The following FOXP2 variants were observed in gnomAD, a reference collection of about 807,000 sequenced individuals.
The protein encoded by FOXP2 is forkhead box protein P2.
A neutral mutation model predicts 115.8 loss-of-function variants in FOXP2; 12 were observed. The ratio of observed to expected loss-of-function variants is 0.10; its 90% CI spans 0.07 to 0.17. FOXP2 has a LOEUF of 0.17. Among genes scored for constraint, FOXP2 ranks in the 10% least tolerant of loss-of-function variants. FOXP2 has a pLI of 1.00. For synonymous variants in FOXP2, 328 were observed against 297.7 expected, an observed-to-expected ratio of 1.10 and a Z score of -1.05; for missense variants, 629 against 843.5, an observed-to-expected ratio of 0.75 and a Z score of 3.15.
intron 3 of FOXP2, among the ~76,000 whole-genome samples, chr7:114,580,592 AAAAAC>A (rs1274150693): frequency 6.6e-6 from 1 of 152,158 alleles, no homozygotes; most frequent in Non-Finnish European, 1.5e-5. Flanking sequence ...AAACAAAAAC[AAAAAC>A]AAAACAAAAC....
intron 3 of FOXP2, among the ~76,000 whole-genome samples, chr7:114,610,389 C>A (rs997614676): frequency 1.3e-5 from 2 of 152,020 alleles, no homozygotes; most frequent in African/African-American, 4.8e-5. Flanking sequence ...CAAATAAATT[C>A]TGTTAAAAAT....
chr7:114,419,747 C>T (rs1258284438), intron 1 of FOXP2: 1 of 151,342 alleles, frequency 6.6e-6, no homozygotes, highest in Non-Finnish European at 1.5e-5. Flanking sequence ...CACACACACA[C>T]CCCAGAAAGG....
At chr7:114,153,219 A>T (rs1792572149) in intron 1 of FOXP2, among the ~76,000 whole-genome samples, 1 of 152,110 alleles carries the variant, frequency 6.6e-6, no homozygotes. Flanking sequence ...CCTTATCTGT[A>T]TCTCTTAAAA....
At chr7:114,518,830 T>G (rs1311056575) in intron 2 of FOXP2, among the ~76,000 whole-genome samples, 1 of 152,138 alleles carries the variant, frequency 6.6e-6, no homozygotes, top group African/African-American at 2.4e-5. Flanking sequence ...ATGTAAAATT[T>G]TGCTTGAGTT....
chr7:114,471,853 C>T (rs1031534189), intron 2 of FOXP2, among the ~76,000 whole-genome samples: 25 of 151,070 alleles, frequency 1.7e-4, no homozygotes, highest in African/African-American at 3.7e-4. Flanking sequence ...CCAGCTACTC[C>T]GGAGGCTGAG....
At chr7:114,639,325 A>G (rs557794204) in intron 6 of FOXP2, among the ~76,000 whole-genome samples, 1 of 152,180 alleles carries the variant, frequency 6.6e-6, no homozygotes, top group South Asian at 2.1e-4. Context: ...CAAGAAATGT[A>G]TGACTCTATT....
chr7:114,664,267 C>T lies in FOXP2; in HGVS notation c.1840-6C>T, dbSNP rs374095518. 36 of 1,612,508 alleles carry T rather than the reference C, an allele frequency of 2.2e-5. No individual in the cohort carries two copies. The highest frequency in any genetic ancestry group is 2.7e-5 in the Non-Finnish European group (32 of 1,179,538). Reference sequence around the variant, plus strand: ...AAGTTGTTTTACACAATCTTCATTTCACTAGGCTGCCTTGGCAGAGAGCAG... The same window carrying T: ...AAGTTGTTTTACACAATCTTCATTTTACTAGGCTGCCTTGGCAGAGAGCAG... On this transcript the variant is annotated splice_region_variant and splice_polypyrimidine_tract_variant and intron_variant, in intron 15 of 16. Transcript: ENST00000350908.
chr7:114,657,895 GTTC>G (rs1563064214), intron 10 of FOXP2, among the ~76,000 whole-genome samples, 168 bp from the exon 11 acceptor site: 1 of 152,138 alleles, frequency 6.6e-6, no homozygotes, highest in Non-Finnish European at 1.5e-5. Flanking sequence ...TCTAATTAGA[GTTC>G]TTATGATACA....
intron 16 of FOXP2, among the ~76,000 whole-genome samples, chr7:114,687,320 C>T (rs1808419607): frequency 6.6e-6 from 1 of 152,050 alleles, no homozygotes; most frequent in African/African-American, 2.4e-5. Flanking sequence ...TATTTGCATC[C>T]CCAGCATATC....
chr7:114,345,465 A>G (rs750254604), intron 2 of FOXP2, among the ~76,000 whole-genome samples: 2 of 151,828 alleles, frequency 1.3e-5, no homozygotes, highest in East Asian at 1.9e-4. Context: ...GTAGTGGTTA[A>G]CAGTTGTTTT....
intron 2 of FOXP2, among the ~76,000 whole-genome samples, chr7:114,370,556 A>G (rs1303061550): frequency 6.6e-6 from 1 of 152,162 alleles, no homozygotes; most frequent in Non-Finnish European, 1.5e-5. Flanking sequence ...GGCATTACCA[A>G]TTTACCAGAA....
At chr7:114,362,795 G>A (rs1791785067) in intron 2 of FOXP2, among the ~76,000 whole-genome samples, 1 of 152,096 alleles carries the variant, frequency 6.6e-6, no homozygotes, top group Non-Finnish European at 1.5e-5. Flanking sequence ...TCTGATTATA[G>A]CAAGCATTTT....
rs191456094 is a variant in FOXP2, at chr7:114,112,280, G to T, written c.-247+24442G>T. 6.8e-4 allele frequency among the ~76,000 whole-genome samples: 103 copies of T among 152,106 alleles called. 1 individual carries two copies. In the Middle Eastern group the frequency reaches 0.014, roughly 20 times the overall value. On this transcript the variant is annotated intron_variant, in intron 1 of 19. Transcript: ENST00000635638. ...GTTACAATACCAGTACCAAAAAGGG[G>T]AATGTGGTTTCTGCACTTTTTTTTT...
intron 1 of FOXP2, among the ~76,000 whole-genome samples, chr7:114,217,736 A>G (rs984985780): frequency 6.6e-6 from 1 of 152,234 alleles, no homozygotes; most frequent in African/African-American, 2.4e-5. Context: ...ATAACTCCAA[A>G]TCTGCTATAT....
chr7:114,086,367 C>G (rs575159307), upstream of FOXP2: 2 of 405,508 alleles, frequency 4.9e-6, no homozygotes, highest in South Asian at 1.7e-5. Context: ...GCTCCGCGGC[C>G]GCCGCTTCGC....
At chr7:114,640,747 A>C (rs570168870) in intron 6 of FOXP2, among the ~76,000 whole-genome samples, 72 of 152,284 alleles carry the variant, frequency 4.7e-4, no homozygotes, top group African/African-American at 1.7e-3. Context: ...TGGGAGAGGT[A>C]GTTTGAGTTG....
chr7:114,338,173 T>C (rs1797905716), intron 2 of FOXP2, among the ~76,000 whole-genome samples: 1 of 151,058 alleles, frequency 6.6e-6, no homozygotes, highest in Admixed American at 6.6e-5. Context: ...AATTTTAATA[T>C]GCAAGTACTT....
chr7:114,611,615 A>G (rs1803632841), intron 3 of FOXP2, among the ~76,000 whole-genome samples: 1 of 152,190 alleles, frequency 6.6e-6, no homozygotes, highest in Non-Finnish European at 1.5e-5. Flanking sequence ...ATACATTTTC[A>G]TAGCTTAAAA....
chr7:114,598,854 T>G (rs995835646), intron 3 of FOXP2, among the ~76,000 whole-genome samples: 1 of 152,150 alleles, frequency 6.6e-6, no homozygotes, highest in African/African-American at 2.4e-5. Context: ...ACCATTCAGA[T>G]TGTAAAATAG....
Sources: allele counts gnomAD v4.1 joint callset (sites outside exome capture counted in the v4.1 genomes callset), GRCh38; gene constraint gnomAD v4.1.1; transcripts MANE v1.5; gene names NCBI Gene and HGNC (gene_info 2026-07-23, HGNC 2026-07-21).